Variants in PACSIN1 observed in about 807,000 individuals in gnomAD.
PACSIN1 encodes protein kinase C and casein kinase substrate in neurons 1, also known as protein kinase C and casein kinase substrate in neurons protein 1.
In PACSIN1, 15 loss-of-function variants were observed where a neutral mutation model predicts 59.5. The observed-to-expected ratio is 0.25, with a 90% CI of 0.17 to 0.39. The LOEUF is 0.39. Ranked by LOEUF, PACSIN1 falls within the 10% of genes least tolerant of loss-of-function variation. PACSIN1 has a pLI of 1.00. For missense variants in PACSIN1, 420 were observed against 580.2 expected (o/e 0.72, Z 2.84); for synonymous variants, 210 against 220.6 (o/e 0.95, Z 0.42).
At chr6:34,481,868 A>C (rs1766724761) in intron 1 of PACSIN1, among the ~76,000 whole-genome samples, 1 of 152,162 alleles carries the variant, frequency 6.6e-6, no homozygotes, top group South Asian at 2.1e-4. Context: ...GTATATTTAC[A>C]AAGTTGGGTA....
At chr6:34,489,558 T>C (rs1357706419) in intron 1 of PACSIN1, among the ~76,000 whole-genome samples, 4 of 152,190 alleles carry the variant, frequency 2.6e-5, no homozygotes, top group Non-Finnish European at 4.4e-5. Context: ...GCTATCATAG[T>C]AGCTCTTGCC....
At chr6:34,478,120 C>T (rs533873890) in intron 1 of PACSIN1, among the ~76,000 whole-genome samples, 2 of 148,632 alleles carry the variant, frequency 1.3e-5, no homozygotes, top group African/African-American at 2.5e-5. Flanking sequence ...AGCACAGTGG[C>T]GCGATCTCGG....
chr6:34,531,468 C>CCCT lies in PACSIN1; in HGVS notation c.1038-128_1038-126dup. The CCCT allele has an allele frequency of 1.2e-6, 1 of 836,898 alleles. No homozygotes were observed. The highest frequency in any genetic ancestry group is 1.7e-5 in the African/African-American group (1 of 58,568). The allele number at this position is 836,898 out of a possible 1,614,324, so 51.8% of individuals were successfully genotyped here. On this transcript the variant is annotated intron_variant, in intron 8 of 9. Coordinates refer to ENST00000244458, the MANE Select transcript of PACSIN1 (RefSeq NM_020804.5). The surrounding 1 kb of genome is among the most constrained non-coding windows in gnomAD (Gnocchi z 4.4). ...GGTTTAAAGAGCTCATGAGGGTCAC[C>CCCT]CCTCCTATGTGGCCAATCCTTGCTC...
chr6:34,527,267 A>G, intron 2 of PACSIN1, 65 bp from the exon 3 acceptor site: 1 of 1,423,964 alleles, frequency 7.0e-7, no homozygotes, highest in Non-Finnish European at 9.3e-7. Flanking sequence ...GCCGTGCTGG[A>G]TGCGGCGGGC....
In PACSIN1 at chr6:34,510,240, G is replaced by A. The variant is rs551540133; in HGVS notation, c.-63-16003G>A. On this transcript the variant is annotated intron_variant, in intron 1 of 9. Coordinates refer to ENST00000244458, the MANE Select transcript of PACSIN1 (RefSeq NM_020804.5). Reference sequence around the variant, plus strand: ...TAACTGGTCTCCTTGCCTCCACCCCGGTCTCCTAATCACTTCTCCACGTAA... The same window carrying A: ...TAACTGGTCTCCTTGCCTCCACCCCAGTCTCCTAATCACTTCTCCACGTAA... 4.6e-5 allele frequency among the ~76,000 whole-genome samples: 7 copies of A among 152,278 alleles called. No homozygotes were observed. The South Asian group carries it at 1.0e-3, about 23-fold the overall frequency.
At chr6:34,527,095 G>A (rs2127273504) in intron 2 of PACSIN1, among the ~76,000 whole-genome samples, 1 of 152,126 alleles carries the variant, frequency 6.6e-6, no homozygotes, top group Non-Finnish European at 1.5e-5. Context: ...TTAAATTGGG[G>A]TGAGGGTGCG....
intron 3 of PACSIN1, 27 bp downstream of exon 3, chr6:34,527,515 C>CTCACA (rs1561970683): frequency 6.4e-7 from 1 of 1,558,140 alleles, no homozygotes; most frequent in Admixed American, 1.9e-5. Flanking sequence ...ACATCGTGCG[C>CTCACA]GCCCCCAGGC....
At chr6:34,474,979 A>G (rs1766618760) in intron 1 of PACSIN1, among the ~76,000 whole-genome samples, 1 of 151,962 alleles carries the variant, frequency 6.6e-6, no homozygotes. Flanking sequence ...TCTCTTCCCC[A>G]AAGGCCTACA....
intron 1 of PACSIN1, among the ~76,000 whole-genome samples, chr6:34,484,916 G>A (rs1766769424): frequency 1.3e-5 from 2 of 152,090 alleles, no homozygotes; most frequent in African/African-American, 2.4e-5. Flanking sequence ...TCTGGATGGG[G>A]CGAAAGTGGG....
In PACSIN1 at chr6:34,489,223, G is replaced by A. The variant is rs150851803; in HGVS notation, c.-64+22953G>A. The stretch of plus-strand genomic sequence containing the variant: ...AGTATATTTTTATGGTGTGCAACAT[G>A]ATGTTTTGAAATTGTGGAATGTCTA... On this transcript the variant is annotated intron_variant, in intron 1 of 9. Coordinates refer to ENST00000244458, the MANE Select transcript of PACSIN1 (RefSeq NM_020804.5). Among the ~76,000 whole-genome samples the A allele has an allele frequency of 1.2e-3, 178 of 151,586 alleles. 1 individual carries two copies. The highest frequency in any genetic ancestry group is 7.0e-3 in the Middle Eastern group (2 of 284).
chr6:34,481,526 CA>C (rs1370393152), intron 1 of PACSIN1, among the ~76,000 whole-genome samples: 4 of 152,048 alleles, frequency 2.6e-5, no homozygotes, highest in Middle Eastern at 6.8e-3. Flanking sequence ...AAAAATTAGC[CA>C]GGCGTGGTGG....
intron 1 of PACSIN1, among the ~76,000 whole-genome samples, chr6:34,510,190 A>G (rs1369482847): frequency 6.6e-6 from 1 of 152,236 alleles, no homozygotes; most frequent in Non-Finnish European, 1.5e-5. Flanking sequence ...CACGGCTGTT[A>G]GCCCTAAATA....
chr6:34,516,855 A>G lies in PACSIN1; in HGVS notation c.-63-9388A>G, dbSNP rs1000462002. Among the ~76,000 whole-genome samples, 3 of 152,122 alleles carry G rather than the reference A, an allele frequency of 2.0e-5. No individual in the cohort carries two copies. Among genetic ancestry groups the G allele is most frequent in the African/African-American group, 7.2e-5 (3 of 41,422 alleles). ...GGATTGAGACTTGACCTCCCCTGGCAGACCTTCTCATGTGAAAGGGAGCTT... is the reference window on the plus strand; with the variant it reads ...GGATTGAGACTTGACCTCCCCTGGCGGACCTTCTCATGTGAAAGGGAGCTT... On this transcript the variant is annotated intron_variant, in intron 1 of 9. Coordinates refer to ENST00000244458, the MANE Select transcript of PACSIN1 (RefSeq NM_020804.5). The surrounding 1 kb of genome is among the most constrained non-coding windows in gnomAD (Gnocchi z 5.4).
At chr6:34,472,689 C>G (rs778461306) in intron 1 of PACSIN1, among the ~76,000 whole-genome samples, 4 of 152,114 alleles carry the variant, frequency 2.6e-5, no homozygotes, top group South Asian at 2.1e-4. Flanking sequence ...CCCTCATGGG[C>G]TTATATTCCC....
At chr6:34,466,482 T>C (rs1197803327) in intron 1 of PACSIN1, among the ~76,000 whole-genome samples, 1 of 152,172 alleles carries the variant, frequency 6.6e-6, no homozygotes, top group African/African-American at 2.4e-5. Flanking sequence ...AGTGCCAGGA[T>C]GCCACTGCGC....
At chr6:34,471,541 A>T (rs1178759141) in intron 1 of PACSIN1, among the ~76,000 whole-genome samples, 1 of 152,132 alleles carries the variant, frequency 6.6e-6, no homozygotes, top group Non-Finnish European at 1.5e-5. Context: ...TGCAGGTGGG[A>T]CAAAGGGAGA....
intron 1 of PACSIN1, among the ~76,000 whole-genome samples, chr6:34,508,689 A>G (rs1250623310): frequency 6.6e-6 from 1 of 152,142 alleles, no homozygotes; most frequent in Non-Finnish European, 1.5e-5. Flanking sequence ...TTATTTTATT[A>G]TTATTACTTT....
In PACSIN1 at chr6:34,532,482, C is replaced by T; in HGVS notation, c.1287C>T (p.Asp429=). 1 of 1,571,474 alleles carries T rather than the reference C, an allele frequency of 6.4e-7. No homozygotes were observed. The highest frequency in any genetic ancestry group is 8.6e-7 in the Non-Finnish European group (1 of 1,157,964). Residue 429 remains aspartate, a synonymous_variant, in exon 10 of 10, where the codon GAC becomes GAT. Coordinates refer to ENST00000244458, the MANE Select transcript of PACSIN1 (RefSeq NM_020804.5). This position sits in a 1 kb window ranked among gnomAD's most constrained non-coding sequence, Gnocchi z 5.2. ...AGGGCTGGTGCCGTGGGCGGCTGGA[C>T]AGCGGGCAGCTGGGCCTCTACCCTG... is the stretch of plus-strand genomic sequence containing the variant. The part of the protein sequence containing the change: ...DEQGWCRGRL[D]SGQLGLYPAN...
At chr6:34,498,277 G>A (rs148503082) in intron 1 of PACSIN1, among the ~76,000 whole-genome samples, 1 of 152,000 alleles carries the variant, frequency 6.6e-6, no homozygotes, top group Non-Finnish European at 1.5e-5. Flanking sequence ...GGCCAGGCTG[G>A]TCTCGATCTC....
Sources: gnomAD v4.1 joint callset for allele counts (sites outside exome capture counted in the v4.1 genomes callset) on GRCh38, gnomAD v4.1.1 for gene constraint, Gnocchi (gnomAD v3.1) non-coding constraint, MANE v1.5 for transcripts, NCBI Gene and HGNC (gene_info 2026-07-23, HGNC 2026-07-21) for gene names.